Variants in HSP90AA1 observed in about 807,000 individuals in gnomAD.
The protein encoded by HSP90AA1 is heat shock protein HSP 90-alpha.
Under a neutral mutation model 73.3 loss-of-function variants are expected in HSP90AA1, and 18 were observed. That is an observed-to-expected ratio of 0.25 (90% CI 0.17 to 0.36). HSP90AA1 has a LOEUF of 0.36. Among genes scored for constraint, HSP90AA1 ranks in the 10% least tolerant of loss-of-function variants. The pLI is 1.00. For synonymous variants in HSP90AA1, 477 were observed against 296.9 expected, an observed-to-expected ratio of 1.61 and a Z score of -6.24; for missense variants, 704 against 874.2, an observed-to-expected ratio of 0.81 and a Z score of 2.45.
intron 2 of HSP90AA1, among the ~76,000 whole-genome samples, chr14:102,096,690 A>T (rs1296345556): frequency 6.6e-6 from 1 of 152,212 alleles, no homozygotes; most frequent in East Asian, 1.9e-4. Flanking sequence ...TGCTGAATGG[A>T]TAACTGAATT....
intron 2 of HSP90AA1, among the ~76,000 whole-genome samples, chr14:102,092,071 T>A (rs994909523): frequency 1.3e-5 from 2 of 151,834 alleles, no homozygotes; most frequent in African/African-American, 4.8e-5. Flanking sequence ...TTTTTGTTAC[T>A]GATTTTTTTT....
Position 102,082,414 on chromosome 14 carries a change from G to A in HSP90AA1, c.1786C>T (p.Pro596Ser). 1 of 1,613,332 alleles carries A rather than the reference G, an allele frequency of 6.2e-7. No individual in the cohort carries two copies. The highest frequency in any genetic ancestry group is 8.5e-7 in the Non-Finnish European group (1 of 1,179,978). ...TATGTGCTTGTGACAATACAGCATG[G>A]AGATGTCACCAATCGGTTTGACACA... ...VVVSNRLVTS[P>S]CCIVTSTYGW... Residue 596 changes from proline to serine, a missense_variant, in exon 10 of 11, where the codon CCA becomes TCA. Pro to Ser is a moderately conservative substitution (Grantham distance 74). Coordinates refer to ENST00000216281, the MANE Select transcript of HSP90AA1 (RefSeq NM_005348.4).
intron 1 of HSP90AA1, among the ~76,000 whole-genome samples, chr14:102,104,089 A>C (rs995265906): frequency 2.0e-5 from 3 of 152,132 alleles, no homozygotes; most frequent in African/African-American, 7.2e-5. Flanking sequence ...ACTTGGATGA[A>C]TCTCATCAGC....
chr14:102,138,518 T>G (rs934967403), intron 1 of HSP90AA1, among the ~76,000 whole-genome samples: 1 of 151,892 alleles, frequency 6.6e-6, no homozygotes, highest in Non-Finnish European at 1.5e-5. Flanking sequence ...TCTTTTTTTT[T>G]TCCAACACTA....
chr14:102,139,561 G>C, exon 1 of HSP90AA1: 3 of 795,846 alleles, frequency 3.8e-6, no homozygotes, highest in Non-Finnish European at 5.8e-6. Flanking sequence ...CATGACACCA[G>C]CCCCGCCGCG....
At chr14:102,088,222 A>G (rs892543397), upstream of HSP90AA1, among the ~76,000 whole-genome samples, 5 of 152,150 alleles carry the variant, frequency 3.3e-5, no homozygotes, top group Non-Finnish European at 7.4e-5. Context: ...TATTTTGGCC[A>G]AGGCCAGCTG....
At chr14:102,089,882 A>T (rs1409603126), upstream of HSP90AA1, among the ~76,000 whole-genome samples, 3 of 152,158 alleles carry the variant, frequency 2.0e-5, no homozygotes, top group Admixed American at 6.5e-5. Flanking sequence ...CCGTCAGCTC[A>T]CCTGGAAGGC....
At position 102,085,310 on chromosome 14, in the gene HSP90AA1, G is replaced by C. The variant is rs2049199979; in HGVS notation, c.651C>G (p.Pro217=). 2 of 1,611,816 alleles carry C rather than the reference G, an allele frequency of 1.2e-6. No homozygotes were observed. Among genetic ancestry groups the C allele is most frequent in the African/African-American group, 1.3e-5 (1 of 74,998 alleles). Residue 217 remains proline (P), a synonymous_variant, in exon 4 of 11, where the codon CCC becomes CCG. Transcript: ENST00000216281. ...CATAAAAACTTACAAAAAGAGTAAT[G>C]GGATATCCAATAAACTGAGAATGTT... ...VKKHSQFIGY[P]ITLFVEKERD... is the part of the protein sequence containing the mutation.
intron 1 of HSP90AA1, among the ~76,000 whole-genome samples, chr14:102,119,701 G>C (rs185382773): frequency 5.9e-5 from 9 of 152,122 alleles, no homozygotes; most frequent in Admixed American, 4.6e-4. Flanking sequence ...GTTGGCCAGG[G>C]TGGTCTCGAT....
chr14:102,085,587 A>G, intron 3 of HSP90AA1, 156 bp from the exon 4 acceptor site: 7 of 1,248,272 alleles, frequency 5.6e-6, no homozygotes, highest in Non-Finnish European at 8.0e-6. Flanking sequence ...TGCCTCGCCC[A>G]AAAGAACCGC....
upstream of HSP90AA1, chr14:102,087,054 C>G: frequency 4.1e-6 from 4 of 985,378 alleles, no homozygotes; most frequent in Non-Finnish European, 3.6e-6. Context: ...TGACGCGCCA[C>G]CCCCGCGCCT....
At chr14:102,102,180 C>T (rs2049503128) in intron 1 of HSP90AA1, 1 of 981,888 alleles carries the variant, frequency 1.0e-6, no homozygotes, top group Non-Finnish European at 1.6e-6. Flanking sequence ...AGCAGGCATG[C>T]CCTGGCTTCC....
rs577925846 is a variant in HSP90AA1, at chr14:102,125,663, G to T, written c.155+13587C>A. Among the ~76,000 whole-genome samples, 19 of 150,260 alleles carry T rather than the reference G, an allele frequency of 1.3e-4. No homozygotes were observed. The East Asian group carries it at 1.7e-3, about 14-fold the overall frequency. On this transcript the variant is annotated intron_variant, in intron 1 of 11. Transcript: ENST00000334701. Reference sequence around the variant, plus strand: ...CTAAGGCAGAGTTTAACCTCAGGGGGAAGGTATAAGAAAAGAAAGCATGCA... The same window carrying T: ...CTAAGGCAGAGTTTAACCTCAGGGGTAAGGTATAAGAAAAGAAAGCATGCA...
At chr14:102,129,210 C>T (rs1021430060) in intron 1 of HSP90AA1, among the ~76,000 whole-genome samples, 7 of 149,008 alleles carry the variant, frequency 4.7e-5, no homozygotes, top group African/African-American at 1.8e-4. Flanking sequence ...AATCTCAGCT[C>T]ACTGCAACCT....
intron 1 of HSP90AA1, among the ~76,000 whole-genome samples, chr14:102,126,486 T>C (rs1016881605): frequency 2.6e-5 from 4 of 151,882 alleles, no homozygotes; most frequent in African/African-American, 7.3e-5. Flanking sequence ...AAACTCGGAG[T>C]CTAAATGGGT....
chr14:102,103,117 G>T (rs2049516052), intron 1 of HSP90AA1, among the ~76,000 whole-genome samples: 1 of 146,308 alleles, frequency 6.8e-6, no homozygotes, highest in South Asian at 2.3e-4. Flanking sequence ...GGAGACAGAG[G>T]TTGCAGTGGG....
At position 102,085,431 on chromosome 14, in the gene HSP90AA1, C is replaced by A; in HGVS notation, c.530G>T (p.Gly177Val). Residue 177 changes from glycine (G) to valine (V), a missense_variant and splice_region_variant, in exon 4 of 11, where the codon GGT becomes GTT. Gly to Val is a moderately radical substitution (Grantham distance 109). Coordinates refer to ENST00000216281, the MANE Select transcript of HSP90AA1 (RefSeq NM_005348.4). ...TTTTGTTCCACGACCCATAGGTTCA[C>A]CTGCAAGAGAAGAAAGAAAAATTGA... The part of the protein sequence containing the change: ...GGSFTVRTDT[G>V]EPMGRGTKVI... 6.3e-7 allele frequency: 1 copy of A among 1,599,772 alleles called. No homozygotes were observed. The highest frequency in any genetic ancestry group is 8.5e-7 in the Non-Finnish European group (1 of 1,175,654).
chr14:102,089,004 T>C (rs971200118), upstream of HSP90AA1, among the ~76,000 whole-genome samples: 2 of 151,156 alleles, frequency 1.3e-5, no homozygotes, highest in Non-Finnish European at 2.9e-5. Context: ...CACTGCAACC[T>C]CTACCTCCTG....
At chr14:102,085,548 G>C in intron 3 of HSP90AA1, 117 bp from the exon 4 acceptor site, 1 of 1,217,966 alleles carries the variant, frequency 8.2e-7, no homozygotes, top group East Asian at 2.4e-5. Context: ...AGATGCAAAG[G>C]CCACCACAGC....
Sources: allele counts gnomAD v4.1 joint callset (sites outside exome capture counted in the v4.1 genomes callset), GRCh38; gene constraint gnomAD v4.1.1; transcripts MANE v1.5; gene names NCBI Gene and HGNC (gene_info 2026-07-23, HGNC 2026-07-21).